The following TSPAN5 variants were observed in gnomAD, a reference collection of about 807,000 sequenced individuals.
TSPAN5 encodes the protein tetraspanin 5, also known as tetraspanin-5.
In TSPAN5, 10 loss-of-function variants were observed where a neutral mutation model predicts 37.1. The observed-to-expected ratio is 0.27, with a 90% CI of 0.17 to 0.46. The LOEUF is 0.46. Among genes scored for constraint, TSPAN5 ranks in the 20% least tolerant of loss-of-function variants. The pLI is 1.00. For missense variants in TSPAN5, 195 were observed against 326.6 expected (o/e 0.60, Z 3.11); for synonymous variants, 110 against 118.9 (o/e 0.93, Z 0.48).
At chr4:98,489,440 G>A (rs1753039130) in intron 2 of TSPAN5, among the ~76,000 whole-genome samples, 1 of 152,170 alleles carries the variant, frequency 6.6e-6, no homozygotes, top group Non-Finnish European at 1.5e-5. Context: ...ATAAACTCAG[G>A]CATTCAAGCA....
At chr4:98,483,526 T>C (rs1418880978) in intron 3 of TSPAN5, 2 of 152,216 alleles carry the variant, frequency 1.3e-5, no homozygotes, top group African/African-American at 2.4e-5. Flanking sequence ...CCCAGTCTTA[T>C]GTGATTAGGG....
intron 1 of TSPAN5, among the ~76,000 whole-genome samples, chr4:98,631,903 C>G (rs28541670): frequency 0.24 from 36,486 of 152,044 alleles, 4,606 homozygotes; most frequent in African/African-American, 0.31. Flanking sequence ...TAGTTTTTCA[C>G]TGTTAGTAAT....
chr4:98,639,019 C>T (rs548124302), intron 1 of TSPAN5, among the ~76,000 whole-genome samples: 2 of 152,308 alleles, frequency 1.3e-5, no homozygotes, highest in African/African-American at 4.8e-5. Context: ...TACTTCATCC[C>T]TCAAGGCTGC....
chr4:98,658,053 G>A (rs1579060920), intron 1 of TSPAN5, 93 bp downstream of exon 1: 2 of 1,133,002 alleles, frequency 1.8e-6, no homozygotes, highest in East Asian at 2.4e-5. Context: ...CGCCTGCGGG[G>A]CTGCGAAAAG....
At position 98,541,008 on chromosome 4, in the gene TSPAN5, CA is replaced by C. The variant is rs551095072; in HGVS notation, c.82-33281del. ...ACACGGGCCTTAGCTTCAGCAAGAC[CA>C]GGCTTGTGTCCTGGTTCCATTTCCT... is the stretch of plus-strand genomic sequence containing the variant. On this transcript the variant is annotated intron_variant, in intron 1 of 7. Transcript: ENST00000305798. 6.9e-3 allele frequency among the ~76,000 whole-genome samples: 1,057 copies of C among 152,306 alleles called. 10 individuals are homozygous for C. Among genetic ancestry groups the C allele is most frequent in the African/African-American group, 0.024 (997 of 41,560 alleles).
chr4:98,548,571 A>C (rs1387991635), intron 1 of TSPAN5, among the ~76,000 whole-genome samples: 1 of 152,090 alleles, frequency 6.6e-6, no homozygotes, highest in Non-Finnish European at 1.5e-5. Context: ...GATTTCTTAC[A>C]TGCATATATT....
Position 98,471,020 on chromosome 4 carries a change from AG to A in TSPAN5, c.*1501del, listed in dbSNP as rs1195650953. ...GGACACCAGCTGGATTAAAATCTAGAGGGCAAAACTCGTCCCTCCCACCTAA... is the reference window on the plus strand; with the variant it reads ...GGACACCAGCTGGATTAAAATCTAGAGGCAAAACTCGTCCCTCCCACCTAA... On this transcript the variant is annotated 3_prime_UTR_variant, in exon 8 of 8. Transcript: ENST00000305798. The A allele has an allele frequency of 2.6e-5, 4 of 152,158 alleles. No homozygotes were observed. The highest frequency in any genetic ancestry group is 4.4e-5 in the Non-Finnish European group (3 of 68,032). The allele number at this position is 152,158 out of a possible 1,614,324, so 9.4% of individuals were successfully genotyped here. A position where few individuals can be genotyped will look rare whatever the true frequency, so the allele number is the denominator to read the frequency against.
chr4:98,529,134 C>T lies in TSPAN5; in HGVS notation c.82-21406G>A, dbSNP rs112013113. ...ACGCTGTGATACCACATGGCCCCAT[C>T]CACCCACTGAAAACACACACACAGA... On this transcript the variant is annotated intron_variant, in intron 1 of 7. Transcript: ENST00000305798. Among the ~76,000 whole-genome samples, 61 of 152,306 alleles carry T rather than the reference C, an allele frequency of 4.0e-4. 1 individual carries two copies. The highest frequency in any genetic ancestry group is 5.9e-4 in the Admixed American group (9 of 15,306).
At chr4:98,584,380 T>C (rs1271238071) in intron 1 of TSPAN5, among the ~76,000 whole-genome samples, 1 of 152,218 alleles carries the variant, frequency 6.6e-6, no homozygotes, top group Admixed American at 6.5e-5. Context: ...AATAAGCATA[T>C]ATGCCTAAGT....
At chr4:98,541,692 A>AGAGAGAGAG (rs34399262) in intron 1 of TSPAN5, among the ~76,000 whole-genome samples, 3 of 91,982 alleles carry the variant, frequency 3.3e-5, no homozygotes, top group Non-Finnish European at 4.6e-5. Flanking sequence ...AAAAAAAAAA[A>AGAGAGAGAG]AAAGAGAGAG....
chr4:98,608,131 C>T (rs189912309), intron 1 of TSPAN5, among the ~76,000 whole-genome samples: 12 of 152,244 alleles, frequency 7.9e-5, no homozygotes, highest in East Asian at 5.8e-4. Context: ...ACATAAGCTG[C>T]GGGAGTGTGA....
chr4:98,494,871 G>A (rs1165639553), intron 2 of TSPAN5, among the ~76,000 whole-genome samples: 1 of 152,058 alleles, frequency 6.6e-6, no homozygotes, highest in Non-Finnish European at 1.5e-5. Context: ...ATCTTCTTTT[G>A]GGGGGAATTG....
chr4:98,550,345 AG>A (rs1249022250), intron 1 of TSPAN5, among the ~76,000 whole-genome samples: 2 of 152,100 alleles, frequency 1.3e-5, no homozygotes, highest in African/African-American at 4.8e-5. Context: ...CTTTTTGCTT[AG>A]GATTGCTTTG....
intron 1 of TSPAN5, among the ~76,000 whole-genome samples, chr4:98,566,075 G>C (rs1261675410): frequency 6.6e-6 from 1 of 152,184 alleles, no homozygotes; most frequent in African/African-American, 2.4e-5. Context: ...GGAAAGGGGA[G>C]GGGAGGCAAC....
chr4:98,621,766 C>T (rs2110249186), intron 1 of TSPAN5, among the ~76,000 whole-genome samples: 1 of 152,174 alleles, frequency 6.6e-6, no homozygotes, highest in Admixed American at 6.5e-5. Context: ...ATTTTCATAT[C>T]CCAAAAGGAG....
chr4:98,511,856 A>G (rs541687334), intron 1 of TSPAN5, among the ~76,000 whole-genome samples: 28 of 152,204 alleles, frequency 1.8e-4, no homozygotes, highest in African/African-American at 6.8e-4. Flanking sequence ...AAAGTATCCC[A>G]TAACAATATC....
At chr4:98,634,091 G>GAAAGA (rs1432852543) in intron 1 of TSPAN5, among the ~76,000 whole-genome samples, 2 of 150,006 alleles carry the variant, frequency 1.3e-5, no homozygotes, top group Non-Finnish European at 3.0e-5. Context: ...AAAAAAAAAG[G>GAAAGA]AAAGAAAAGA....
rs186344970 is a variant in TSPAN5 at position 98,523,911 on chromosome 4, C to T, written c.82-16183G>A. On this transcript the variant is annotated intron_variant, in intron 1 of 7. Coordinates refer to ENST00000305798, the MANE Select transcript of TSPAN5 (RefSeq NM_005723.4). ...AATGGATGTGGCCTGGGCAAGCTGA[C>T]ACTCTCAATTTTCTCTCCCATAAAT... Among the ~76,000 whole-genome samples, 18 of 152,280 alleles carry T rather than the reference C, an allele frequency of 1.2e-4. 1 individual carries two copies. In the East Asian group the frequency reaches 3.3e-3, roughly 28 times the overall value.
At chr4:98,542,440 G>T (rs1018552235) in intron 1 of TSPAN5, among the ~76,000 whole-genome samples, 2 of 152,154 alleles carry the variant, frequency 1.3e-5, no homozygotes, top group African/African-American at 4.8e-5. Context: ...GGCAGGCTGG[G>T]CATAGTGGCT....
Sources: allele counts gnomAD v4.1 joint callset (sites outside exome capture counted in the v4.1 genomes callset), GRCh38; gene constraint gnomAD v4.1.1; transcripts MANE v1.5; gene names NCBI Gene and HGNC (gene_info 2026-07-23, HGNC 2026-07-21).